Variants in BTN2A2 observed in about 807,000 individuals in gnomAD.
The protein encoded by BTN2A2 is butyrophilin subfamily 2 member A2, also known as butyrophilin 2.
In BTN2A2, 29 loss-of-function variants were observed where a neutral mutation model predicts 34.7. That is an observed-to-expected ratio of 0.84 (90% CI 0.62 to 1.14). BTN2A2 has a LOEUF of 1.14. BTN2A2 is among the 50% of genes most tolerant of loss of function. BTN2A2 has a pLI of 0.00. For missense variants in BTN2A2, 612 were observed against 651.5 expected, an observed-to-expected ratio of 0.94 and a Z score of 0.66; for synonymous variants, 240 against 253.1, an observed-to-expected ratio of 0.95 and a Z score of 0.49.
Position 26,394,423 on chromosome 6 carries a change from G to C in BTN2A2, c.*1456G>C. On this transcript the variant is annotated 3_prime_UTR_variant, in exon 8 of 8. Transcript: ENST00000356709. ...CAGTGGGAAATTCTCTCCTTCTGTT[G>C]GCTGGGTGCCCAATACAACAAAAAG... The C allele has an allele frequency of 1.5e-6, 1 of 667,068 alleles. No individual in the cohort carries two copies. Among genetic ancestry groups the C allele is most frequent in the Non-Finnish European group, 2.7e-6 (1 of 364,308 alleles). 41.3% of individuals were successfully genotyped at this position (667,068 alleles called of 1,614,324 possible).
rs115247877 is a variant in BTN2A2, at chr6:26,383,878, G to A, written c.57G>A (p.Leu19=). 0.012 allele frequency: 19,557 copies of A among 1,613,780 alleles called. 159 individuals are homozygous for A. Among genetic ancestry groups the A allele is most frequent in the Middle Eastern group, 0.021 (127 of 6,062 alleles). ...TGCCAGCCTCCCTCCTCCTCCTCCT[G>A]CTCCTCCTCCTTCTCAGCCTGTGTG... ...FSLPASLLLL[L]LLLLLSLCAL... is the part of the protein sequence containing the mutation. Residue 19 remains leucine (L), a synonymous_variant, in exon 2 of 8, where the codon CTG becomes CTA. Coordinates refer to ENST00000356709, the MANE Select transcript of BTN2A2 (RefSeq NM_006995.5). This position sits in a 1 kb window ranked among gnomAD's most constrained non-coding sequence, Gnocchi z 4.4.
At chr6:26,385,539 A>T in intron 3 of BTN2A2, 177 bp downstream of exon 3, 9 of 547,664 alleles carry the variant, frequency 1.6e-5, no homozygotes, top group Non-Finnish European at 2.2e-5. Context: ...CTGCTAAGCT[A>T]TAGGTTTCAC....
chr6:26,385,921 G>A (rs754446453), intron 3 of BTN2A2, among the ~76,000 whole-genome samples: 5 of 152,176 alleles, frequency 3.3e-5, no homozygotes, highest in Admixed American at 2.0e-4. Flanking sequence ...AGTTAATCCC[G>A]GAAAAGAAAG....
intron 5 of BTN2A2, 97 bp downstream of exon 5, chr6:26,390,308 C>A: frequency 8.0e-7 from 1 of 1,247,156 alleles, no homozygotes; most frequent in Non-Finnish European, 1.1e-6. Context: ...AGAAAGGCCA[C>A]AGCTCTCACA....
rs776923192 is a variant in BTN2A2 at position 26,392,490 on chromosome 6, C to G, written c.1095C>G (p.Phe365Leu). The G allele has an allele frequency of 1.9e-6, 3 of 1,614,198 alleles. No individual in the cohort carries two copies. Among genetic ancestry groups the G allele is most frequent in the African/African-American group, 1.3e-5 (1 of 75,048 alleles). Residue 365 changes from phenylalanine (F) to leucine (L), a missense_variant, in exon 8 of 8, where the codon TTC (phenylalanine) becomes TTG (leucine). Transcript: ENST00000356709. ...GAGTGCCTGACAACCCAGAGAGATT[C>G]GACAGTCAGCCTTGTGTCCTGGGAT... ...RQRVPDNPERFDSQPCVLGWE... is the reference protein window; with the variant it reads ...RQRVPDNPERLDSQPCVLGWE...
intron 3 of BTN2A2, among the ~76,000 whole-genome samples, chr6:26,387,272 C>T (rs1222746904): frequency 6.6e-6 from 1 of 152,142 alleles, no homozygotes; most frequent in Non-Finnish European, 1.5e-5. Context: ...TGGATGGAAC[C>T]TCTGGGAGGT....
In BTN2A2 at chr6:26,384,914, C is replaced by T. The variant is rs1761083553; in HGVS notation, c.95-101C>T. ...TTGGAATATCTGCTTCCTTTCATCC[C>T]TGGAGTTTTTTTTGTTTGTTTGTTT... On this transcript the variant is annotated intron_variant, in intron 2 of 7. Coordinates refer to ENST00000356709, the MANE Select transcript of BTN2A2 (RefSeq NM_006995.5). This position sits in a 1 kb window ranked among gnomAD's most constrained non-coding sequence, Gnocchi z 4.0. 8.0e-7 allele frequency: 1 copy of T among 1,244,882 alleles called. No individual in the cohort carries two copies. The highest frequency in any genetic ancestry group is 1.1e-6 in the Non-Finnish European group (1 of 906,840). 77.1% of individuals were successfully genotyped at this position (1,244,882 alleles called of 1,614,324 possible).
In BTN2A2 at chr6:26,384,941, T is replaced by TG; in HGVS notation, c.95-73dup. 1 of 1,396,312 alleles carries TG rather than the reference T, an allele frequency of 7.2e-7. No homozygotes were observed. Among genetic ancestry groups the TG allele is most frequent in the Non-Finnish European group, 9.6e-7 (1 of 1,044,656 alleles). The allele number at this position is 1,396,312 out of a possible 1,614,324, so 86.5% of individuals were successfully genotyped here. On this transcript the variant is annotated intron_variant, in intron 2 of 7. Coordinates refer to ENST00000356709, the MANE Select transcript of BTN2A2 (RefSeq NM_006995.5). The surrounding 1 kb of genome is among the most constrained non-coding windows in gnomAD (Gnocchi z 4.0). ...GGAGTTTTTTTTGTTTGTTTGTTTT[T>TG]GTTTTTTGTTTTTTGTTTTGCCTTA...
chr6:26,385,509 G>A, intron 3 of BTN2A2, 147 bp downstream of exon 3: 1 of 740,920 alleles, frequency 1.3e-6, no homozygotes, highest in Non-Finnish European at 2.2e-6. Context: ...TTGCACAAAG[G>A]CCACATGAGT....
At position 26,394,051 on chromosome 6, in the gene BTN2A2, A is replaced by G. The variant is rs1342335149; in HGVS notation, c.*1084A>G. The G allele has an allele frequency of 5.0e-6, 2 of 400,862 alleles. No homozygotes were observed. Among genetic ancestry groups the G allele is most frequent in the African/African-American group, 4.1e-5 (2 of 48,690 alleles). 24.8% of individuals were successfully genotyped at this position (400,862 alleles called of 1,614,324 possible). A position where few individuals can be genotyped will look rare whatever the true frequency, so the allele number is the denominator to read the frequency against. On this transcript the variant is annotated 3_prime_UTR_variant, in exon 8 of 8. Coordinates refer to ENST00000356709, the MANE Select transcript of BTN2A2 (RefSeq NM_006995.5). ...CTTAATAAGAGATATTTGTATTATC[A>G]TATCTGCCTTTGTATTAAACCTATT...
rs1761710557 is a variant in BTN2A2, at chr6:26,393,111, C to A, written c.*144C>A. 2.5e-6 allele frequency: 4 copies of A among 1,608,912 alleles called. No homozygotes were observed. The highest frequency in any genetic ancestry group is 3.4e-6 in the Non-Finnish European group (4 of 1,177,406). ...TCCAGCTGCCTTTTTCACACCCACT[C>A]CAGCCCTCTGCCCCAGTTTTCTCCT... On this transcript the variant is annotated 3_prime_UTR_variant, in exon 8 of 8. Transcript: ENST00000356709.
At position 26,388,293 on chromosome 6, in the gene BTN2A2, AG is replaced by A. The variant is rs1432451968; in HGVS notation, c.724+1del. 1 of 1,613,942 alleles carries A rather than the reference AG, an allele frequency of 6.2e-7. No homozygotes were observed. The highest frequency in any genetic ancestry group is 2.2e-5 in the East Asian group (1 of 44,868). On this transcript the variant is annotated frameshift_variant and splice_region_variant, in exon 4 of 8. Coordinates refer to ENST00000356709, the MANE Select transcript of BTN2A2 (RefSeq NM_006995.5). LOFTEE classifies it high-confidence loss of function. Reference protein sequence around the residue: ...QEKETVIFIPESFMPSASPWM... With the variant: ...QEKETVIFIPXSFMPSASPWM... ...AGAAGGAAACTGTCATTTTTATTCC[AG>A]GTTAGTTCTCTGCCCTCTGAGACCT...
chr6:26,384,061 C>A lies in BTN2A2; in HGVS notation c.94+146C>A. 1 of 960,328 alleles carries A rather than the reference C, an allele frequency of 1.0e-6. No homozygotes were observed. 59.5% of individuals were successfully genotyped at this position (960,328 alleles called of 1,614,324 possible). A position where few individuals can be genotyped will look rare whatever the true frequency, so the allele number is the denominator to read the frequency against. ...TTCACTGAATTTATACCAGCACTGT[C>A]CAAAAGAAACACAGTGAAGCACAAA... On this transcript the variant is annotated intron_variant, in intron 2 of 7. Transcript: ENST00000356709. This position sits in a 1 kb window ranked among gnomAD's most constrained non-coding sequence, Gnocchi z 4.0.
In BTN2A2 at chr6:26,388,227, G is replaced by C. The variant is rs776135513; in HGVS notation, c.657G>C (p.Arg219Ser). 4.5e-5 allele frequency: 72 copies of C among 1,614,092 alleles called. No homozygotes were observed. The highest frequency in any genetic ancestry group is 5.7e-5 in the Non-Finnish European group (67 of 1,180,042). ...TAVIIRDKYV[R>S]NVSCSVNNTL... ...TGATCATCAGAGACAAGTATGTGAGGAATGTGTCCTGCTCTGTCAACAACA... is the reference window on the plus strand; with the variant it reads ...TGATCATCAGAGACAAGTATGTGAGCAATGTGTCCTGCTCTGTCAACAACA... The change falls in exon 4 of 8, where the codon AGG (arginine) becomes AGC (serine). Residue 219 changes from arginine to serine, a missense_variant. Transcript: ENST00000356709.
In BTN2A2 at chr6:26,388,009, C is replaced by T; in HGVS notation, c.443-4C>T. On this transcript the variant is annotated splice_polypyrimidine_tract_variant and splice_region_variant and intron_variant, in intron 3 of 7. Transcript: ENST00000356709. ...TTTGGCTGAGCCCTGGTCTCCCTTT[C>T]CAGGCCTTGGGTCTAAGCCCCTCAT... 1.9e-6 allele frequency: 3 copies of T among 1,607,670 alleles called. No individual in the cohort carries two copies. Among genetic ancestry groups the T allele is most frequent in the Non-Finnish European group, 2.6e-6 (3 of 1,175,382 alleles).
intron 4 of BTN2A2, 108 bp downstream of exon 4, chr6:26,388,402 G>A: frequency 7.6e-7 from 1 of 1,318,382 alleles, no homozygotes; most frequent in Non-Finnish European, 1.1e-6. Context: ...ATGGTCCTGG[G>A]CCCTGAGGAG....
rs112257227 is a variant in BTN2A2 at position 26,385,208 on chromosome 6, C to T, written c.288C>T (p.Tyr96=). 67 of 1,614,062 alleles carry T rather than the reference C, an allele frequency of 4.2e-5. 3 individuals carry two copies. The Middle Eastern group carries it at 9.9e-4, about 24-fold the overall frequency. Residue 96 remains tyrosine (Y), a synonymous_variant, in exon 3 of 8, where the codon TAC becomes TAT. Transcript: ENST00000356709. ...GAACAGAGGAGCAGATGGAGGAGTACCGGGGAAGAATCACCTTTGTGAGCA... is the reference window on the plus strand; with the variant it reads ...GAACAGAGGAGCAGATGGAGGAGTATCGGGGAAGAATCACCTTTGTGAGCA... ...RERTEEQMEE[Y]RGRITFVSKD... is the part of the protein sequence containing the mutation.
chr6:26,390,715 T>G lies in BTN2A2; in HGVS notation c.952+8T>G. 6.2e-7 allele frequency: 1 copy of G among 1,614,264 alleles called. No homozygotes were observed. The highest frequency in any genetic ancestry group is 1.3e-5 in the African/African-American group (1 of 75,068). On this transcript the variant is annotated splice_region_variant and intron_variant, in intron 6 of 7. Transcript: ENST00000356709. ...AACTTCAAGAAGAATTGCGTAAGTT[T>G]AGCCTTTCCTGAACTACTCCGTGTA...
At chr6:26,391,652 G>A (rs1025787341) in intron 7 of BTN2A2, 11 of 154,716 alleles carry the variant, frequency 7.1e-5, no homozygotes, top group African/African-American at 2.7e-4. Flanking sequence ...AGAAGGTAGA[G>A]GTTTGCAGAA....
Sources: allele counts gnomAD v4.1 joint callset (sites outside exome capture counted in the v4.1 genomes callset), GRCh38; gene constraint gnomAD v4.1.1; non-coding constraint Gnocchi (gnomAD v3.1); transcripts MANE v1.5; gene names NCBI Gene and HGNC (gene_info 2026-07-23, HGNC 2026-07-21).